The following AMZ1 variants were observed in gnomAD, a reference collection of about 807,000 sequenced individuals.
The protein encoded by AMZ1 is archaelysin family metallopeptidase 1, also known as archaemetzincin-1.
A neutral mutation model predicts 29.9 loss-of-function variants in AMZ1; 39 were observed. The observed-to-expected ratio is 1.30, with a 90% confidence interval of 1.01 to 1.70. The LOEUF is 1.70. AMZ1 is among the 40% of genes most tolerant of loss of function. AMZ1 has a pLI of 0.00. For missense variants in AMZ1, 1,041 were observed against 680.6 expected, an observed-to-expected ratio of 1.53 and a Z score of -5.89; for synonymous variants, 458 against 304.0, an observed-to-expected ratio of 1.51 and a Z score of -5.27.
chr7:2,762,646 C>T (rs767866821), upstream of AMZ1: 219 of 1,596,878 alleles, frequency 1.4e-4, no homozygotes, highest in Non-Finnish European at 1.8e-4. Flanking sequence ...AAGCACAGAG[C>T]GGCAGGACGA....
rs987900280 is a variant in AMZ1 at position 2,714,868 on chromosome 7, G to A, written c.*1990G>A. The A allele has an allele frequency of 2.0e-5, 3 of 152,358 alleles. No individual in the cohort carries two copies. Among genetic ancestry groups the A allele is most frequent in the Non-Finnish European group, 2.9e-5 (2 of 68,054 alleles). The allele number at this position is 152,358 out of a possible 1,614,324, so 9.4% of individuals were successfully genotyped here. Reference sequence around the variant, plus strand: ...CCGACAAACAGGGCAGCCAGAGCCAGACAGCAGGCTCCTGGTCCCAGTCCC... The same window carrying A: ...CCGACAAACAGGGCAGCCAGAGCCAAACAGCAGGCTCCTGGTCCCAGTCCC... On this transcript the variant is annotated 3_prime_UTR_variant, in exon 7 of 7. Coordinates refer to ENST00000683327, the MANE Select transcript of AMZ1 (RefSeq NM_001384743.1).
chr7:2,752,144 A>T (rs1205779801), intron 4 of AMZ1, among the ~76,000 whole-genome samples: 1 of 152,222 alleles, frequency 6.6e-6, no homozygotes, highest in African/African-American at 2.4e-5. Context: ...TGTCAATAGA[A>T]GACAGCCACT....
Position 2,718,908 on chromosome 7 carries a change from G to A in AMZ1, c.*6030G>A, listed in dbSNP as rs930398402. Among the ~76,000 whole-genome samples the A allele has an allele frequency of 2.6e-5, 4 of 152,208 alleles. No homozygotes were observed. Among genetic ancestry groups the A allele is most frequent in the African/African-American group, 4.8e-5 (2 of 41,452 alleles). ...AGAGGCAGAGAACACGCTTTTCTCA[G>A]GGTCGCTTAACACAGGCAGGGGTAC... On this transcript the variant is annotated 3_prime_UTR_variant, in exon 7 of 7. Coordinates refer to ENST00000683327, the MANE Select transcript of AMZ1 (RefSeq NM_001384743.1).
intron 1 of AMZ1, among the ~76,000 whole-genome samples, chr7:2,683,029 C>G (rs1412605457): frequency 6.6e-6 from 1 of 152,246 alleles, no homozygotes; most frequent in African/African-American, 2.4e-5. Context: ...GCAGAGAGGC[C>G]AAGCCCCTGT....
Position 2,717,145 on chromosome 7 carries a change from G to A in AMZ1, c.*4267G>A, listed in dbSNP as rs1376545028. Reference sequence around the variant, plus strand: ...CAGCTCCTTCGGACTCTGAGGAGAGGCCTGGGTGGGTGGCCGGCACTCTTA... The same window carrying A: ...CAGCTCCTTCGGACTCTGAGGAGAGACCTGGGTGGGTGGCCGGCACTCTTA... On this transcript the variant is annotated 3_prime_UTR_variant, in exon 7 of 7. Transcript: ENST00000683327. Among the ~76,000 whole-genome samples the A allele has an allele frequency of 6.6e-6, 1 of 152,188 alleles. No homozygotes were observed. Among genetic ancestry groups the A allele is most frequent in the African/African-American group, 2.4e-5 (1 of 41,444 alleles).
chr7:2,731,538 C>T lies in AMZ1; in HGVS notation n.550+21722C>T, dbSNP rs1327830576. Reference sequence around the variant, plus strand: ...CCACCAGCCGGTTGGTGCGCCTGTCCTCCATGAGGACCTGGTCGTACTCGC... The same window carrying T: ...CCACCAGCCGGTTGGTGCGCCTGTCTTCCATGAGGACCTGGTCGTACTCGC... On this transcript the variant is annotated intron_variant and non_coding_transcript_variant, in intron 4 of 4. Coordinates refer to the AMZ1 transcript ENST00000489665. This position sits in a 1 kb window ranked among gnomAD's most constrained non-coding sequence, Gnocchi z 6.0. The T allele has an allele frequency of 1.4e-5, 23 of 1,611,400 alleles. No homozygotes were observed. The highest frequency in any genetic ancestry group is 2.0e-5 in the Non-Finnish European group (23 of 1,178,096).
At chr7:2,703,591 A>C (rs1249138983) in intron 3 of AMZ1, among the ~76,000 whole-genome samples, 1 of 152,184 alleles carries the variant, frequency 6.6e-6, no homozygotes, top group Non-Finnish European at 1.5e-5. Flanking sequence ...GTTGAGAGGC[A>C]GAGGTGAAGT....
upstream of AMZ1, chr7:2,762,052 C>T (rs2082696289): frequency 6.6e-6 from 1 of 152,520 alleles, no homozygotes; most frequent in Admixed American, 6.5e-5. Context: ...CATCCGCATT[C>T]CTTACCTTCA....
chr7:2,759,716 G>A (rs1791468762), upstream of AMZ1, among the ~76,000 whole-genome samples: 1 of 152,188 alleles, frequency 6.6e-6, no homozygotes, highest in African/African-American at 2.4e-5. Context: ...ATAGGAGAGA[G>A]ATGTATACAC....
At chr7:2,711,489 G>C (rs1421121558) in intron 6 of AMZ1, among the ~76,000 whole-genome samples, 1 of 152,256 alleles carries the variant, frequency 6.6e-6, no homozygotes, top group African/African-American at 2.4e-5. Context: ...TAAACTGTGT[G>C]TCCCCTGTAC....
rs1787978405 is a variant in AMZ1 at position 2,700,416 on chromosome 7, G to A, written c.-36G>A. 1 of 1,577,644 alleles carries A rather than the reference G, an allele frequency of 6.3e-7. No homozygotes were observed. Among genetic ancestry groups the A allele is most frequent in the East Asian group, 2.2e-5 (1 of 44,578 alleles). On this transcript the variant is annotated 5_prime_UTR_variant, in exon 2 of 7. Coordinates refer to ENST00000683327, the MANE Select transcript of AMZ1 (RefSeq NM_001384743.1). ...CCGGGTGGCCCATGGACAGCAGCAGGGGCTCCCAGGAGTGGCCAGGCCCTG... is the reference window on the plus strand; with the variant it reads ...CCGGGTGGCCCATGGACAGCAGCAGAGGCTCCCAGGAGTGGCCAGGCCCTG...
At chr7:2,762,961 C>G, upstream of AMZ1, 1 of 1,359,438 alleles carries the variant, frequency 7.4e-7, no homozygotes. Flanking sequence ...GTGCCAGGGT[C>G]TCCTGCTCCT....
chr7:2,712,353 G>A lies in AMZ1; in HGVS notation c.972G>A (p.Ala324=), dbSNP rs61745221. The A allele has an allele frequency of 2.2e-3, 3,439 of 1,596,988 alleles. 51 individuals are homozygous for A. In the African/African-American group the frequency reaches 0.037, roughly 17 times the overall value. ...RYQRLYTWTQ[A]VVGTWPSQEA... is the part of the protein sequence containing the mutation. ...AGAGACTCTACACCTGGACTCAGGCGGTGGTGGGGACGTGGCCCAGCCAGG... is the reference window on the plus strand; with the variant it reads ...AGAGACTCTACACCTGGACTCAGGCAGTGGTGGGGACGTGGCCCAGCCAGG... The change falls in exon 7 of 7, where the codon GCG becomes GCA. Residue 324 remains alanine, a synonymous_variant. Transcript: ENST00000683327.
intron 1 of AMZ1, among the ~76,000 whole-genome samples, chr7:2,697,328 C>G (rs1787803561): frequency 6.6e-6 from 1 of 152,042 alleles, no homozygotes; most frequent in Non-Finnish European, 1.5e-5. Flanking sequence ...AACTCCTGAC[C>G]TCGGGTGATC....
intron 1 of AMZ1, among the ~76,000 whole-genome samples, chr7:2,696,091 C>T (rs1787706765): frequency 6.6e-6 from 1 of 151,720 alleles, no homozygotes; most frequent in African/African-American, 2.4e-5. Context: ...CCTCGCCCCG[C>T]CCCCCACAAC....
In AMZ1 at chr7:2,712,725, G is replaced by A. The variant is rs768128645; in HGVS notation, c.1344G>A (p.Pro448=). The A allele has an allele frequency of 2.7e-5, 43 of 1,608,406 alleles. No homozygotes were observed. Among genetic ancestry groups the A allele is most frequent in the East Asian group, 1.3e-4 (6 of 44,840 alleles). Residue 448 remains proline (P), a synonymous_variant, in exon 7 of 7, where the codon CCG becomes CCA. Coordinates refer to ENST00000683327, the MANE Select transcript of AMZ1 (RefSeq NM_001384743.1). Reference sequence around the variant, plus strand: ...GGGAGATGTTCACGGGCCAGCTCCCGGCCACCAGGCAGGACCCACCCAGCA... The same window carrying A: ...GGGAGATGTTCACGGGCCAGCTCCCAGCCACCAGGCAGGACCCACCCAGCA... The part of the protein sequence containing the change: ...DRWEMFTGQL[P]ATRQDPPSSR...
At chr7:2,750,385 A>G (rs1210000297) in intron 4 of AMZ1, among the ~76,000 whole-genome samples, 1 of 152,182 alleles carries the variant, frequency 6.6e-6, no homozygotes, top group Non-Finnish European at 1.5e-5. Context: ...GGCTTTTAAG[A>G]AAAAATACTG....
At chr7:2,723,195 C>T (rs867102430), downstream of AMZ1, among the ~76,000 whole-genome samples, 4 of 152,184 alleles carry the variant, frequency 2.6e-5, no homozygotes, top group East Asian at 1.9e-4. Context: ...GTACAGCCCA[C>T]GGTGCCTGTG....
At chr7:2,745,872 A>G (rs905891360) in intron 4 of AMZ1, among the ~76,000 whole-genome samples, 3 of 152,070 alleles carry the variant, frequency 2.0e-5, no homozygotes, top group African/African-American at 7.3e-5. Flanking sequence ...TTGCAATCCT[A>G]GTCTCTGATA....
Sources: allele counts gnomAD v4.1 joint callset (sites outside exome capture counted in the v4.1 genomes callset), GRCh38; gene constraint gnomAD v4.1.1; non-coding constraint Gnocchi (gnomAD v3.1); transcripts MANE v1.5; gene names NCBI Gene and HGNC (gene_info 2026-07-23, HGNC 2026-07-21).